HS3ST5: variants seen among roughly 807,000 people sequenced by gnomAD.
HS3ST5 encodes heparan sulfate-glucosamine 3-sulfotransferase 5.
Under a neutral mutation model 25.4 loss-of-function variants are expected in HS3ST5, and 10 were observed. That is an observed-to-expected ratio of 0.39 (90% CI 0.24 to 0.67). The LOEUF is 0.67. Ranked by LOEUF, HS3ST5 falls within the 30% of genes least tolerant of loss-of-function variation. The pLI is 0.44. For missense variants in HS3ST5, 324 were observed against 420.7 expected, an observed-to-expected ratio of 0.77 and a Z score of 2.01; for synonymous variants, 170 against 162.4, an observed-to-expected ratio of 1.05 and a Z score of -0.36.
intron 1 of HS3ST5, among the ~76,000 whole-genome samples, chr6:114,339,956 C>T (rs1422699797): frequency 6.6e-6 from 1 of 152,206 alleles, no homozygotes; most frequent in Admixed American, 6.5e-5. Context: ...TAGGAGTAAG[C>T]TTCCTGCTTC....
chr6:114,262,802 G>T (rs1773238163), intron 1 of HS3ST5, among the ~76,000 whole-genome samples: 1 of 152,056 alleles, frequency 6.6e-6, no homozygotes, highest in South Asian at 2.1e-4. Flanking sequence ...TGAAATTTTT[G>T]ATTCAGAAAT....
chr6:114,087,952 C>T (rs1431690666), intron 3 of HS3ST5, among the ~76,000 whole-genome samples: 2 of 152,276 alleles, frequency 1.3e-5, no homozygotes, highest in East Asian at 1.9e-4. Flanking sequence ...ATATGGTAGT[C>T]ACTAGCCCCT....
chr6:114,283,317 T>G (rs1236262770), intron 1 of HS3ST5, among the ~76,000 whole-genome samples: 1 of 151,874 alleles, frequency 6.6e-6, no homozygotes, highest in Non-Finnish European at 1.5e-5. Flanking sequence ...ATGATATATA[T>G]CATTGCACTG....
chr6:114,240,759 C>T (rs1010447978), intron 1 of HS3ST5, among the ~76,000 whole-genome samples: 8 of 152,116 alleles, frequency 5.3e-5, no homozygotes, highest in African/African-American at 1.7e-4. Flanking sequence ...AACAGCATCT[C>T]GGAGCTTAAA....
intron 1 of HS3ST5, among the ~76,000 whole-genome samples, chr6:114,304,234 A>C (rs1205375815): frequency 6.6e-6 from 1 of 152,156 alleles, no homozygotes; most frequent in Non-Finnish European, 1.5e-5. Flanking sequence ...TCTATATGGT[A>C]TCATATATTA....
At chr6:114,069,229 C>T (rs1054726083) in intron 3 of HS3ST5, among the ~76,000 whole-genome samples, 1 of 152,096 alleles carries the variant, frequency 6.6e-6, no homozygotes, top group Non-Finnish European at 1.5e-5. Context: ...AGTATTAGCT[C>T]ATTTATCCTG....
chr6:114,311,037 T>C (rs1489535828), intron 1 of HS3ST5, among the ~76,000 whole-genome samples: 2 of 152,202 alleles, frequency 1.3e-5, no homozygotes, highest in Non-Finnish European at 2.9e-5. Flanking sequence ...TAACTACCAA[T>C]TTTATTCATT....
At chr6:114,250,580 CAAA>C (rs11289635) in intron 1 of HS3ST5, among the ~76,000 whole-genome samples, 4 of 118,980 alleles carry the variant, frequency 3.4e-5, no homozygotes, top group Non-Finnish European at 3.7e-5. Flanking sequence ...GACTCCGTCT[CAAA>C]AAAAAAAAAA....
At chr6:114,084,263 C>G in intron 3 of HS3ST5, 1 of 862,300 alleles carries the variant, frequency 1.2e-6, no homozygotes, top group East Asian at 2.4e-5. Context: ...CTCCAATATT[C>G]AGTAGGGAAC....
chr6:114,307,459 G>T (rs1048811020), intron 1 of HS3ST5, among the ~76,000 whole-genome samples: 15 of 150,460 alleles, frequency 1.0e-4, no homozygotes, highest in Non-Finnish European at 2.1e-4. Context: ...AAATGTCTAA[G>T]AATTTTATTG....
intron 3 of HS3ST5, among the ~76,000 whole-genome samples, chr6:114,129,251 CTTTT>C (rs398048772): frequency 1.5e-4 from 15 of 98,016 alleles, no homozygotes; most frequent in Non-Finnish European, 2.7e-4. Context: ...CAACAAGAAC[CTTTT>C]TTTTTTTTTT....
intron 2 of HS3ST5, among the ~76,000 whole-genome samples, chr6:114,190,726 C>T (rs995822169): frequency 3.3e-5 from 5 of 152,164 alleles, no homozygotes; most frequent in African/African-American, 1.2e-4. Context: ...ATGTATATTT[C>T]TCCCAATATT....
At chr6:114,304,385 C>T (rs570490434) in intron 1 of HS3ST5, among the ~76,000 whole-genome samples, 63 of 152,232 alleles carry the variant, frequency 4.1e-4, no homozygotes, top group Non-Finnish European at 7.4e-4. Context: ...CAGTAGTGTT[C>T]TCACAAAGCT....
chr6:114,286,478 T>C (rs1236663012), intron 1 of HS3ST5, among the ~76,000 whole-genome samples: 2 of 150,172 alleles, frequency 1.3e-5, no homozygotes, highest in Admixed American at 1.3e-4. Flanking sequence ...TTCTTGCCAA[T>C]ATAAAATTTA....
intron 3 of HS3ST5, among the ~76,000 whole-genome samples, chr6:114,078,634 G>A (rs1774279589): frequency 6.6e-6 from 1 of 152,134 alleles, no homozygotes; most frequent in Non-Finnish European, 1.5e-5. Flanking sequence ...CTATAGATGA[G>A]GAAGCCAAGA....
chr6:114,301,801 C>T (rs959771510), intron 1 of HS3ST5, among the ~76,000 whole-genome samples: 1 of 152,090 alleles, frequency 6.6e-6, no homozygotes, highest in Non-Finnish European at 1.5e-5. Flanking sequence ...TCTCCCAGGA[C>T]CATGACACAG....
intron 1 of HS3ST5, among the ~76,000 whole-genome samples, chr6:114,320,056 T>C (rs1775902584): frequency 6.6e-6 from 1 of 152,130 alleles, no homozygotes; most frequent in South Asian, 2.1e-4. Context: ...GAACTTGTTA[T>C]TGAATGCATA....
At chr6:114,237,834 T>C (rs1398344663) in intron 1 of HS3ST5, among the ~76,000 whole-genome samples, 4 of 152,224 alleles carry the variant, frequency 2.6e-5, no homozygotes, top group Non-Finnish European at 4.4e-5. Context: ...CGATACCTTT[T>C]GTGCAAATTA....
At chr6:114,179,584 C>T (rs559355766) in intron 2 of HS3ST5, among the ~76,000 whole-genome samples, 6 of 150,894 alleles carry the variant, frequency 4.0e-5, no homozygotes, top group African/African-American at 1.5e-4. Context: ...GTCAATGACT[C>T]TGTTCCACAG....
Sources: allele counts gnomAD v4.1 joint callset (sites outside exome capture counted in the v4.1 genomes callset), GRCh38; gene constraint gnomAD v4.1.1; transcripts MANE v1.5; gene names NCBI Gene and HGNC (gene_info 2026-07-23, HGNC 2026-07-21).